The following GRK5 variants were observed in gnomAD, a reference collection of about 807,000 sequenced individuals.
The protein encoded by GRK5 is g protein-coupled receptor kinase GRK5.
A neutral mutation model predicts 78.4 loss-of-function variants in GRK5; 40 were observed. That is an observed-to-expected ratio of 0.51 (90% confidence interval 0.40 to 0.66). The LOEUF (loss-of-function observed/expected upper bound fraction) is 0.66. Among genes scored for constraint, GRK5 ranks in the 30% least tolerant of loss-of-function variants. The probability of loss-of-function intolerance (pLI) is 0.00; values close to 1 mark genes in which losing one functional copy is unlikely to be tolerated. For missense variants in GRK5, 598 were observed against 759.9 expected, an observed-to-expected ratio of 0.79 and a Z score of 2.50; for synonymous variants, 289 against 296.8, an observed-to-expected ratio of 0.97 and a Z score of 0.27.
intron 4 of GRK5, among the ~76,000 whole-genome samples, chr10:119,410,968 C>T (rs1852327335): frequency 6.6e-6 from 1 of 151,244 alleles, no homozygotes; most frequent in Admixed American, 6.6e-5. Context: ...GAACTCCTGC[C>T]ATTGGCCAAC....
chr10:119,320,762 G>A (rs1850570753), intron 1 of GRK5, among the ~76,000 whole-genome samples: 1 of 152,266 alleles, frequency 6.6e-6, no homozygotes, highest in African/African-American at 2.4e-5. Flanking sequence ...TGGGACCAAG[G>A]AGAACGGGCT....
At chr10:119,247,983 G>T (rs796269092) in intron 1 of GRK5, among the ~76,000 whole-genome samples, 3 of 152,248 alleles carry the variant, frequency 2.0e-5, no homozygotes, top group African/African-American at 4.8e-5. Context: ...GTGAACAAGT[G>T]TTTATATCCA....
Position 119,383,203 on chromosome 10 carries a change from G to C in GRK5, c.261+2276G>C, listed in dbSNP as rs150281640. ...CCCAAAGTGCTGGAACCACAGGCGT[G>C]AGCCACCGCGCCTGGCCTGGCTCCT... On this transcript the variant is annotated intron_variant, in intron 3 of 15. Transcript: ENST00000392870. Among the ~76,000 whole-genome samples, 611 of 152,358 alleles carry C rather than the reference G, an allele frequency of 4.0e-3. 5 individuals carry two copies. The highest frequency in any genetic ancestry group is 0.013 in the African/African-American group (547 of 41,590).
Position 119,337,862 on chromosome 10 carries a change from T to G in GRK5, c.148+11251T>G, listed in dbSNP as rs914790434. Among the ~76,000 whole-genome samples, 4 of 152,254 alleles carry G rather than the reference T, an allele frequency of 2.6e-5. No individual in the cohort carries two copies. In the South Asian group the frequency reaches 6.2e-4, roughly 24 times the overall value. On this transcript the variant is annotated intron_variant, in intron 2 of 15. Transcript: ENST00000392870. ...GTTTTGAACTCCTGATCTCAGGAGA[T>G]CCTCCTGCCTTGGCCTCCCATAGTA...
chr10:119,406,431 C>A (rs1043180912), intron 4 of GRK5: 4 of 984,722 alleles, frequency 4.1e-6, no homozygotes, highest in Non-Finnish European at 4.8e-6. Flanking sequence ...ATCTCCAGGG[C>A]AACCAAGGGT....
intron 2 of GRK5, among the ~76,000 whole-genome samples, chr10:119,361,560 C>T (rs537663898): frequency 2.6e-5 from 4 of 152,264 alleles, no homozygotes; most frequent in African/African-American, 9.6e-5. Flanking sequence ...ATCAGCCAAG[C>T]GGATTTCAAA....
chr10:119,249,271 C>CAAAA (rs1174024770), intron 1 of GRK5, among the ~76,000 whole-genome samples: 1 of 145,340 alleles, frequency 6.9e-6, no homozygotes, highest in Non-Finnish European at 1.5e-5. Context: ...AACTTCGTCT[C>CAAAA]AAAAAACAAA....
Position 119,207,660 on chromosome 10 carries a change from G to A in GRK5, c.-258G>A. On this transcript the variant is annotated 5_prime_UTR_variant, in exon 1 of 16. Coordinates refer to ENST00000392870, the MANE Select transcript of GRK5 (RefSeq NM_005308.3). ...CACGCGGAGGGTGGGGGGTGGGGGG[G>A]AGCGTGTTGAGGGAGGGGGGAGGGG... 4.9e-6 allele frequency: 2 copies of A among 407,122 alleles called. No homozygotes were observed. Among genetic ancestry groups the A allele is most frequent in the South Asian group, 4.9e-5 (2 of 41,124 alleles). The allele number at this position is 407,122 out of a possible 1,614,324, so 25.2% of individuals were successfully genotyped here. A position where few individuals can be genotyped will look rare whatever the true frequency, so the allele number is the denominator to read the frequency against.
At chr10:119,302,462 G>A (rs1478301869) in intron 1 of GRK5, among the ~76,000 whole-genome samples, 1 of 152,176 alleles carries the variant, frequency 6.6e-6, no homozygotes, top group East Asian at 1.9e-4. Flanking sequence ...GGGCTCACTG[G>A]AGCAGTGACC....
At chr10:119,241,113 T>C (rs1849018520) in intron 1 of GRK5, among the ~76,000 whole-genome samples, 1 of 152,172 alleles carries the variant, frequency 6.6e-6, no homozygotes. Flanking sequence ...TAGTCCCTTG[T>C]TGCGTGCTTC....
intron 2 of GRK5, among the ~76,000 whole-genome samples, chr10:119,346,758 C>A (rs1851102381): frequency 1.3e-5 from 2 of 152,078 alleles, no homozygotes; most frequent in African/African-American, 2.4e-5. Context: ...CTCACCGGGT[C>A]CCCCAGGCTC....
Position 119,452,355 on chromosome 10 carries a change from G to A in GRK5, c.1405-316G>A, listed in dbSNP as rs927342938. The A allele has an allele frequency of 3.0e-5, 10 of 333,934 alleles. No homozygotes were observed. Among genetic ancestry groups the A allele is most frequent in the African/African-American group, 4.2e-5 (2 of 47,854 alleles). 20.7% of individuals were successfully genotyped at this position (333,934 alleles called of 1,614,324 possible). A position where few individuals can be genotyped will look rare whatever the true frequency, so the allele number is the denominator to read the frequency against. Reference sequence around the variant, plus strand: ...CCTGGGCTGGGCACCCAGGTGCCCCGAGCTCCTGTGTCACCCCAGCCAGGG... The same window carrying A: ...CCTGGGCTGGGCACCCAGGTGCCCCAAGCTCCTGTGTCACCCCAGCCAGGG... On this transcript the variant is annotated intron_variant, in intron 13 of 15. Coordinates refer to ENST00000392870, the MANE Select transcript of GRK5 (RefSeq NM_005308.3). The surrounding 1 kb of genome is among the most constrained non-coding windows in gnomAD (Gnocchi z 4.4).
chr10:119,289,016 C>A (rs1033732308), intron 1 of GRK5, among the ~76,000 whole-genome samples: 8 of 152,186 alleles, frequency 5.3e-5, no homozygotes, highest in Non-Finnish European at 8.8e-5. Context: ...ATGCCTTTTC[C>A]CCCTCTGACC....
intron 1 of GRK5, among the ~76,000 whole-genome samples, chr10:119,235,184 A>C (rs1848904616): frequency 6.7e-6 from 1 of 148,990 alleles, no homozygotes; most frequent in African/African-American, 2.5e-5. Context: ...CGGTTTCACC[A>C]TGTTGCCCAG....
Position 119,452,958 on chromosome 10 carries a change from G to A in GRK5, c.1542+150G>A. ...AGGCAGCACACAAAAGCTGTCAGTG[G>A]CCAAGTAGGGAGCTGTAGCCACCAC... On this transcript the variant is annotated intron_variant, in intron 14 of 15. Coordinates refer to ENST00000392870, the MANE Select transcript of GRK5 (RefSeq NM_005308.3). This position sits in a 1 kb window ranked among gnomAD's most constrained non-coding sequence, Gnocchi z 4.4. 1.9e-6 allele frequency: 2 copies of A among 1,049,078 alleles called. No homozygotes were observed. The highest frequency in any genetic ancestry group is 2.9e-6 in the Non-Finnish European group (2 of 697,672). 65.0% of individuals were successfully genotyped at this position (1,049,078 alleles called of 1,614,324 possible).
At chr10:119,351,329 C>T (rs898852388) in intron 2 of GRK5, among the ~76,000 whole-genome samples, 1 of 152,164 alleles carries the variant, frequency 6.6e-6, no homozygotes, top group African/African-American at 2.4e-5. Flanking sequence ...CGTCTTGAAT[C>T]GTAGCTCCCA....
intron 1 of GRK5, among the ~76,000 whole-genome samples, chr10:119,294,253 G>A (rs1388588494): frequency 6.6e-6 from 1 of 152,144 alleles, no homozygotes; most frequent in Non-Finnish European, 1.5e-5. Context: ...TTCTTGGTAA[G>A]GTGAGACTAT....
At position 119,455,457 on chromosome 10, in the gene GRK5, G is replaced by T. The variant is rs1229503422; in HGVS notation, c.*390G>T. 5.2e-6 allele frequency: 2 copies of T among 383,588 alleles called. No individual in the cohort carries two copies. The highest frequency in any genetic ancestry group is 1.0e-5 in the Non-Finnish European group (2 of 200,744). The allele number at this position is 383,588 out of a possible 1,614,324, so 23.8% of individuals were successfully genotyped here. A position where few individuals can be genotyped will look rare whatever the true frequency, so the allele number is the denominator to read the frequency against. On this transcript the variant is annotated 3_prime_UTR_variant, in exon 16 of 16. Transcript: ENST00000392870. ...TTTGTATATTTGTATTTAAATGAAA[G>T]TGAGACTTTGAGGGTGTATATTTTC...
chr10:119,281,492 C>T (rs1287835554), intron 1 of GRK5, among the ~76,000 whole-genome samples: 1 of 152,210 alleles, frequency 6.6e-6, no homozygotes, highest in Non-Finnish European at 1.5e-5. Flanking sequence ...CATGTCTGTG[C>T]ACGGCTCACC....
Sources: gnomAD v4.1 joint callset for allele counts (sites outside exome capture counted in the v4.1 genomes callset) on GRCh38, gnomAD v4.1.1 for gene constraint, Gnocchi (gnomAD v3.1) non-coding constraint, MANE v1.5 for transcripts, NCBI Gene and HGNC (gene_info 2026-07-23, HGNC 2026-07-21) for gene names.